Variants in CARD14 observed in about 807,000 individuals in gnomAD.
CARD14 encodes caspase recruitment domain-containing protein 14.
CARD14 carries 107 observed loss-of-function variants against 111.5 expected under a neutral mutation model. The observed-to-expected ratio is 0.96, with a 90% CI of 0.82 to 1.13. The LOEUF (loss-of-function observed/expected upper bound fraction) is 1.13. Among genes scored for constraint, CARD14 ranks in the 50% most tolerant of loss-of-function variants. The pLI is 0.00. For synonymous variants in CARD14, 617 were observed against 579.6 expected (o/e 1.06, Z -0.93); for missense variants, 1,322 against 1,362.3 (o/e 0.97, Z 0.47).
chr17:80,176,495 C>T (rs1345805581), intron 2 of CARD14, among the ~76,000 whole-genome samples: 1 of 151,692 alleles, frequency 6.6e-6, no homozygotes, highest in African/African-American at 2.4e-5. Flanking sequence ...CACAATTCAC[C>T]CGTTTAAGAT....
At chr17:80,181,256 G>T (rs1299905733) in intron 4 of CARD14, among the ~76,000 whole-genome samples, 163 bp from the exon 5 acceptor site, 1 of 152,156 alleles carries the variant, frequency 6.6e-6, no homozygotes, top group Non-Finnish European at 1.5e-5. Context: ...AATGGCCACT[G>T]GAATGCTTCC....
At chr17:80,174,981 CT>C (rs1192660785) in intron 2 of CARD14, among the ~76,000 whole-genome samples, 302 of 145,730 alleles carry the variant, frequency 2.1e-3, no homozygotes, top group Admixed American at 2.1e-3. Context: ...TTCTTTCTTT[CT>C]TTTTTTTTTT....
rs149266977 is a variant in CARD14 at position 80,192,217 on chromosome 17, T to C, written c.1240-286T>C. On this transcript the variant is annotated intron_variant, in intron 11 of 23. Transcript: ENST00000648509. ...TCCTCCAATTTTCTGTGTGTGTATG[T>C]ATGTGTGTGTATTATACATTATTCG... 5.2e-3 allele frequency: 1,348 copies of C among 260,962 alleles called. 16 individuals carry two copies. The highest frequency in any genetic ancestry group is 0.023 in the African/African-American group (1,055 of 44,988). 16.2% of individuals were successfully genotyped at this position (260,962 alleles called of 1,614,324 possible). A position where few individuals can be genotyped will look rare whatever the true frequency, so the allele number is the denominator to read the frequency against.
chr17:80,201,519 T>A lies in CARD14; in HGVS notation c.1852-225T>A. 1 of 554,438 alleles carries A rather than the reference T, an allele frequency of 1.8e-6. No homozygotes were observed. The highest frequency in any genetic ancestry group is 2.1e-5 in the South Asian group (1 of 47,072). The allele number at this position is 554,438 out of a possible 1,614,324, so 34.3% of individuals were successfully genotyped here. A position where few individuals can be genotyped will look rare whatever the true frequency, so the allele number is the denominator to read the frequency against. ...CCCCCGATCTCGACTGGGGAAGGGT[T>A]GGCAGTTGACTCTCTGGCCAGCACT... On this transcript the variant is annotated intron_variant, in intron 16 of 23. Transcript: ENST00000648509. This position sits in a 1 kb window ranked among gnomAD's most constrained non-coding sequence, Gnocchi z 5.0.
At position 80,198,569 on chromosome 17, in the gene CARD14, G is replaced by A. The variant is rs372001018; in HGVS notation, c.1829G>A (p.Arg610His). ...PGSAADQMAL[R>H]PGTQIVMVDY... ...TCGGCGGCGGACCAGATGGCCTTGC[G>A]CCCGGGCACCCAGATTGTGATGGTG... The change falls in exon 16 of 24, where the codon CGC (arginine) becomes CAC (histidine). Residue 610 changes from arginine to histidine, a missense_variant. Transcript: ENST00000648509. This position sits in a 1 kb window ranked among gnomAD's most constrained non-coding sequence, Gnocchi z 7.5. 180 of 1,612,434 alleles carry A rather than the reference G, an allele frequency of 1.1e-4. 1 individual carries two copies. The highest frequency in any genetic ancestry group is 7.4e-4 in the East Asian group (33 of 44,882).
chr17:80,208,019 C>T (rs2041436037), intron 23 of CARD14, 119 bp from the exon 24 acceptor site: 1 of 715,714 alleles, frequency 1.4e-6, no homozygotes, highest in East Asian at 2.8e-5. Context: ...ACAAGGTCCC[C>T]TCAAAGCGAG....
chr17:80,202,031 C>A, intron 17 of CARD14, 149 bp from the exon 18 acceptor site: 1 of 1,216,340 alleles, frequency 8.2e-7, no homozygotes, highest in Non-Finnish European at 1.2e-6. Flanking sequence ...CCCAAGCCAG[C>A]TGGAAACCTC....
rs768254910 is a variant in CARD14, at chr17:80,189,839, G to A, written c.930G>A (p.Glu310=). 52 of 1,591,886 alleles carry A rather than the reference G, an allele frequency of 3.3e-5. No individual in the cohort carries two copies. The South Asian group carries it at 5.4e-4, about 17-fold the overall frequency. ...ELVERIHSLR[E]RAVAAERQRE... is the part of the protein sequence containing the mutation. Reference sequence around the variant, plus strand: ...TGGAGCGCATCCACTCGCTGCGGGAGCGGGCCGTGGCTGCCGAGAGGCAGC... The same window carrying A: ...TGGAGCGCATCCACTCGCTGCGGGAACGGGCCGTGGCTGCCGAGAGGCAGC... The change falls in exon 9 of 24, where the codon GAG becomes GAA. Residue 310 remains glutamate, a synonymous_variant. Transcript: ENST00000648509. This position sits in a 1 kb window ranked among gnomAD's most constrained non-coding sequence, Gnocchi z 4.7.
chr17:80,171,184 TCC>T (rs2039891655), intron 1 of CARD14, among the ~76,000 whole-genome samples: 1 of 36,264 alleles, frequency 2.8e-5, no homozygotes, highest in Non-Finnish European at 5.1e-5. Flanking sequence ...CCTCCCTCCC[TCC>T]CTCCCTCCCT....
intron 7 of CARD14, chr17:80,187,792 G>C (rs1029992406): frequency 1.1e-5 from 11 of 985,314 alleles, no homozygotes; most frequent in Non-Finnish European, 1.3e-5. Flanking sequence ...AGTTTCTCTT[G>C]GGCTGCTGTC....
rs2041016309 is a variant in CARD14, at chr17:80,202,182, T to C, written c.1981T>C (p.Tyr661His). ...TGGCTCATGTCCCCTTTTATCAGGTTATAAGAGGCTACTCCAGGACCTGGA... is the reference window on the plus strand; with the variant it reads ...TGGCTCATGTCCCCTTTTATCAGGTCATAAGAGGCTACTCCAGGACCTGGA... ...CLSVKVNTDG[Y>H]KRLLQDLEAK... Residue 661 changes from tyrosine (Y) to histidine (H), a missense_variant and splice_region_variant, in exon 18 of 24, where the codon TAT becomes CAT. Tyr to His is a moderately conservative substitution (Grantham distance 83, BLOSUM62 2). Transcript: ENST00000648509. 6.2e-7 allele frequency: 1 copy of C among 1,612,890 alleles called. No homozygotes were observed. The highest frequency in any genetic ancestry group is 8.5e-7 in the Non-Finnish European group (1 of 1,179,350).
chr17:80,195,158 G>A lies in CARD14; in HGVS notation c.1357-33G>A, dbSNP rs199751229. On this transcript the variant is annotated intron_variant, in intron 12 of 23. Transcript: ENST00000648509. This position sits in a 1 kb window ranked among gnomAD's most constrained non-coding sequence, Gnocchi z 4.7. ...GAGGAGTCTCAGGGTGTCCTCGTGC[G>A]TGCCCCACTGACTTCTGCCCTCCCT... The A allele has an allele frequency of 6.9e-5, 108 of 1,573,756 alleles. No homozygotes were observed. Among genetic ancestry groups the A allele is most frequent in the East Asian group, 4.8e-4 (21 of 44,164 alleles).
intron 7 of CARD14, among the ~76,000 whole-genome samples, chr17:80,185,642 T>C (rs1459310761): frequency 6.6e-6 from 1 of 152,176 alleles, no homozygotes; most frequent in Non-Finnish European, 1.5e-5. Flanking sequence ...TTCTCATCTG[T>C]CCCAGTGACT....
At chr17:80,202,655 C>G in intron 18 of CARD14, 2 of 1,359,336 alleles carry the variant, frequency 1.5e-6, no homozygotes, top group Non-Finnish European at 1.9e-6. Flanking sequence ...GGTTTCTTAG[C>G]TCTGGGTTTC....
intron 1 of CARD14, among the ~76,000 whole-genome samples, chr17:80,171,230 C>CCTTT: frequency 7.8e-6 from 1 of 128,758 alleles, no homozygotes; most frequent in East Asian, 2.8e-4. Context: ...TTCCTTCCTT[C>CCTTT]CTTCCTTCCT....
Position 80,182,726 on chromosome 17 carries a change from C to T in CARD14, c.285C>T (p.His95=). The change falls in exon 6 of 24, where the codon CAC becomes CAT. Residue 95 remains histidine, a synonymous_variant. Coordinates refer to ENST00000648509, the MANE Select transcript of CARD14 (RefSeq NM_001366385.1). The surrounding 1 kb of genome is among the most constrained non-coding windows in gnomAD (Gnocchi z 4.7). ...CCTTCCTGGAGAGCCTGAAGTTCCA[C>T]AACCCTGACGTCTACACCCTGGTCA... ...AIAFLESLKF[H]NPDVYTLVTG... is the part of the protein sequence containing the mutation. The T allele has an allele frequency of 6.2e-7, 1 of 1,614,138 alleles. No homozygotes were observed. Among genetic ancestry groups the T allele is most frequent in the South Asian group, 1.1e-5 (1 of 91,082 alleles).
intron 2 of CARD14, among the ~76,000 whole-genome samples, chr17:80,175,138 C>G (rs1041483951): frequency 6.6e-6 from 1 of 151,934 alleles, no homozygotes; most frequent in Non-Finnish European, 1.5e-5. Flanking sequence ...CTACCATGCC[C>G]GGCTAATTTT....
At position 80,203,985 on chromosome 17, in the gene CARD14, C is replaced by T; in HGVS notation, c.2283+100C>T. The T allele has an allele frequency of 2.0e-6, 2 of 1,023,974 alleles. No homozygotes were observed. Among genetic ancestry groups the T allele is most frequent in the Non-Finnish European group, 2.9e-6 (2 of 691,626 alleles). The allele number at this position is 1,023,974 out of a possible 1,614,324, so 63.4% of individuals were successfully genotyped here. ...GAGGCACTGTGTGGAGAGTGGGCTG[C>T]TGATTGGAGGGTAACCCCACCTGTC... On this transcript the variant is annotated intron_variant, in intron 19 of 23. Transcript: ENST00000648509. This position sits in a 1 kb window ranked among gnomAD's most constrained non-coding sequence, Gnocchi z 4.6.
At position 80,203,676 on chromosome 17, in the gene CARD14, C is replaced by A. The variant is rs1173933085; in HGVS notation, c.2220-146C>A. On this transcript the variant is annotated intron_variant, in intron 18 of 23. Transcript: ENST00000648509. The surrounding 1 kb of genome is among the most constrained non-coding windows in gnomAD (Gnocchi z 4.6). The stretch of plus-strand genomic sequence containing the variant: ...TGGCCGCCAGGATGGAGCGCTCCAG[C>A]CTGCAGCAAAGGGATGTGTGGAGCT... 1 of 604,358 alleles carries A rather than the reference C, an allele frequency of 1.7e-6. No individual in the cohort carries two copies. The highest frequency in any genetic ancestry group is 1.9e-5 in the African/African-American group (1 of 52,824). 37.4% of individuals were successfully genotyped at this position (604,358 alleles called of 1,614,324 possible). A position where few individuals can be genotyped will look rare whatever the true frequency, so the allele number is the denominator to read the frequency against.
Sources: allele counts gnomAD v4.1 joint callset (sites outside exome capture counted in the v4.1 genomes callset), GRCh38; gene constraint gnomAD v4.1.1; non-coding constraint Gnocchi (gnomAD v3.1); transcripts MANE v1.5; gene names NCBI Gene and HGNC (gene_info 2026-07-23, HGNC 2026-07-21).